The following PTPRD variants were observed in gnomAD, a reference collection of about 807,000 sequenced individuals.
PTPRD encodes receptor-type tyrosine-protein phosphatase delta.
In PTPRD, 34 loss-of-function variants were observed where a neutral mutation model predicts 214.5. The observed-to-expected ratio is 0.16, with a 90% CI of 0.12 to 0.21. PTPRD has a LOEUF of 0.21. Among genes scored for constraint, PTPRD ranks in the 10% least tolerant of loss-of-function variants. The pLI is 1.00. For missense variants in PTPRD, 2,545 were observed against 2,398.7 expected, an observed-to-expected ratio of 1.06 and a Z score of -1.27; for synonymous variants, 1,128 against 845.7, an observed-to-expected ratio of 1.33 and a Z score of -5.79.
chr9:9,327,080 G>A (rs1191753044), intron 9 of PTPRD, among the ~76,000 whole-genome samples: 1 of 152,146 alleles, frequency 6.6e-6, no homozygotes, highest in Non-Finnish European at 1.5e-5. Flanking sequence ...CAGCTGTTCT[G>A]TAGTTTAGCA....
At chr9:10,462,256 G>T (rs915360063) in intron 2 of PTPRD, among the ~76,000 whole-genome samples, 3 of 152,040 alleles carry the variant, frequency 2.0e-5, no homozygotes, top group African/African-American at 7.2e-5. Context: ...CTCTCTTAAG[G>T]AATTCATGTA....
chr9:8,893,343 C>T (rs975748440), intron 11 of PTPRD, among the ~76,000 whole-genome samples: 2 of 152,072 alleles, frequency 1.3e-5, no homozygotes, highest in Admixed American at 6.6e-5. Flanking sequence ...ATCTGTGTTG[C>T]CACCTGCAAA....
At chr9:9,439,449 T>C (rs1005045965) in intron 8 of PTPRD, among the ~76,000 whole-genome samples, 1 of 152,188 alleles carries the variant, frequency 6.6e-6, no homozygotes, top group African/African-American at 2.4e-5. Context: ...TGATAAACTA[T>C]TGGGTATCAG....
At chr9:8,638,665 C>G (rs536667618) in intron 12 of PTPRD, among the ~76,000 whole-genome samples, 1 of 151,996 alleles carries the variant, frequency 6.6e-6, no homozygotes, top group Non-Finnish European at 1.5e-5. Context: ...GCAAATTCAA[C>G]TTGTTGGTGA....
chr9:8,903,743 TCTA>T lies in PTPRD; in HGVS notation c.-104+114951_-104+114953del, dbSNP rs1416829558. 5.2e-3 allele frequency among the ~76,000 whole-genome samples: 783 copies of T among 151,846 alleles called. 21 individuals are homozygous for T. Among genetic ancestry groups the T allele is most frequent in the African/African-American group, 0.018 (738 of 41,106 alleles). On this transcript the variant is annotated intron_variant, in intron 11 of 45. Transcript: ENST00000381196. ...TAAAACTAACAAACTGTTCTGATTC[TCTA>T]CCTTTAAAAAATTATGGGAAATTTG... is the stretch of plus-strand genomic sequence containing the variant.
chr9:10,110,888 TAAC>T (rs986497713), intron 3 of PTPRD, among the ~76,000 whole-genome samples: 9 of 152,322 alleles, frequency 5.9e-5, no homozygotes, highest in African/African-American at 2.2e-4. Context: ...AGCTAAAGCT[TAAC>T]AAGAATTTTA....
At chr9:9,559,835 G>C (rs573827855) in intron 8 of PTPRD, among the ~76,000 whole-genome samples, 3 of 152,180 alleles carry the variant, frequency 2.0e-5, no homozygotes, top group African/African-American at 7.2e-5. Context: ...TCAGGCATGG[G>C]AGAGACATAA....
chr9:9,487,637 G>T (rs967924365), intron 8 of PTPRD, among the ~76,000 whole-genome samples: 6 of 151,986 alleles, frequency 3.9e-5, no homozygotes, highest in African/African-American at 1.4e-4. Flanking sequence ...CAATTAACAA[G>T]CCCATTATTT....
At chr9:9,262,153 T>C (rs1298122831) in intron 9 of PTPRD, among the ~76,000 whole-genome samples, 2 of 151,624 alleles carry the variant, frequency 1.3e-5, no homozygotes, top group Non-Finnish European at 3.0e-5. Context: ...GACTGGGTCA[T>C]GAAAGCAATA....
Position 9,968,928 on chromosome 9 carries a change from C to T in PTPRD, c.-471-30318G>A, listed in dbSNP as rs992682484. On this transcript the variant is annotated intron_variant, in intron 4 of 45. Transcript: ENST00000381196. Reference sequence around the variant, plus strand: ...TCTTCATTGAGCAACTACTACTGACCAGTAACTATTCAAGGCCCCCACGAT... The same window carrying T: ...TCTTCATTGAGCAACTACTACTGACTAGTAACTATTCAAGGCCCCCACGAT... 3.9e-5 allele frequency among the ~76,000 whole-genome samples: 6 copies of T among 152,144 alleles called. No homozygotes were observed. The East Asian group carries it at 1.2e-3, about 29-fold the overall frequency.
At chr9:8,599,933 G>C (rs187795090) in intron 14 of PTPRD, among the ~76,000 whole-genome samples, 11 of 152,122 alleles carry the variant, frequency 7.2e-5, no homozygotes, top group African/African-American at 2.4e-4. Flanking sequence ...CTCCCCTTTG[G>C]TAGAAACCAA....
intron 3 of PTPRD, among the ~76,000 whole-genome samples, chr9:10,229,687 C>T (rs1051254160): frequency 1.4e-5 from 2 of 141,826 alleles, no homozygotes; most frequent in African/African-American, 5.2e-5. Flanking sequence ...GAACATCACA[C>T]TCCGGGGATG....
chr9:10,325,631 G>C lies in PTPRD; in HGVS notation c.-545+15332C>G, dbSNP rs969438456. On this transcript the variant is annotated intron_variant, in intron 3 of 45. Coordinates refer to ENST00000381196, the MANE Select transcript of PTPRD (RefSeq NM_002839.4). The stretch of plus-strand genomic sequence containing the variant: ...TATAAGGAAATAAAAGAGAAGTCAT[G>C]AGGCATTAAAAATGTTTAATTGTTT... Among the ~76,000 whole-genome samples, 8 of 152,028 alleles carry C rather than the reference G, an allele frequency of 5.3e-5. 1 individual carries two copies. In the South Asian group the frequency reaches 1.7e-3, roughly 32 times the overall value.
intron 11 of PTPRD, among the ~76,000 whole-genome samples, chr9:9,009,643 G>C (rs997395616): frequency 6.6e-6 from 1 of 151,902 alleles, no homozygotes; most frequent in Non-Finnish European, 1.5e-5. Context: ...ATGATGATTT[G>C]TGTTAGAGTT....
chr9:10,299,718 A>C (rs1476037583), intron 3 of PTPRD, among the ~76,000 whole-genome samples: 1 of 152,190 alleles, frequency 6.6e-6, no homozygotes, highest in Non-Finnish European at 1.5e-5. Context: ...GCTGGTTTTT[A>C]TAGCTGGAAG....
chr9:9,682,142 A>G (rs2097087122), intron 7 of PTPRD, among the ~76,000 whole-genome samples: 1 of 151,692 alleles, frequency 6.6e-6, no homozygotes, highest in South Asian at 2.1e-4. Context: ...ACTAATCTTA[A>G]TGAAAATTTT....
At position 8,471,072 on chromosome 9, in the gene PTPRD, T is replaced by C. The variant is rs150801816; in HGVS notation, c.3427A>G (p.Ile1143Val). The change falls in exon 31 of 46, where the codon ATA (isoleucine) becomes GTA (valine). Residue 1143 changes from isoleucine to valine, a missense_variant. Coordinates refer to ENST00000381196, the MANE Select transcript of PTPRD (RefSeq NM_002839.4). ...ANENIKGYYIIIVPLKKSRGK... is the reference protein window; with the variant it reads ...ANENIKGYYIVIVPLKKSRGK... The stretch of plus-strand genomic sequence containing the variant: ...CGAGATTTCTTCAAAGGCACAATTA[T>C]TATGTAGTAACCTCTGCACAAGAAT... 1.9e-6 allele frequency: 3 copies of C among 1,613,218 alleles called. No homozygotes were observed. Among genetic ancestry groups the C allele is most frequent in the Non-Finnish European group, 2.5e-6 (3 of 1,179,296 alleles).
chr9:10,548,486 A>G (rs1192001925), intron 2 of PTPRD, among the ~76,000 whole-genome samples: 1 of 152,194 alleles, frequency 6.6e-6, no homozygotes, highest in East Asian at 1.9e-4. Flanking sequence ...GGGCTCAGCC[A>G]CCACCAATGA....
chr9:8,752,026 G>A (rs1474196954), intron 11 of PTPRD, among the ~76,000 whole-genome samples: 1 of 152,168 alleles, frequency 6.6e-6, no homozygotes, highest in Non-Finnish European at 1.5e-5. Flanking sequence ...ACATCAGGAA[G>A]AAGCTCTGCA....
Sources: allele counts gnomAD v4.1 joint callset (sites outside exome capture counted in the v4.1 genomes callset), GRCh38; gene constraint gnomAD v4.1.1; transcripts MANE v1.5; gene names NCBI Gene and HGNC (gene_info 2026-07-23, HGNC 2026-07-21).